The following MAPRE1 variants were observed in gnomAD, a reference collection of about 807,000 sequenced individuals.
MAPRE1 encodes microtubule associated protein RP/EB family member 1, also known as microtubule-associated protein RP/EB family member 1.
Under a neutral mutation model 32.1 loss-of-function variants are expected in MAPRE1, and 5 were observed. That is an observed-to-expected ratio of 0.16 (90% CI 0.08 to 0.33). The LOEUF is 0.33. Ranked by LOEUF, MAPRE1 falls within the 10% of genes least tolerant of loss-of-function variation. The probability of loss-of-function intolerance (pLI) is 1.00; values close to 1 mark genes in which losing one functional copy is unlikely to be tolerated. For synonymous variants in MAPRE1, 122 were observed against 118.9 expected, an observed-to-expected ratio of 1.03 and a Z score of -0.17; for missense variants, 209 against 327.2, an observed-to-expected ratio of 0.64 and a Z score of 2.79.
intron 6 of MAPRE1, among the ~76,000 whole-genome samples, chr20:32,847,135 G>C (rs1383676067): frequency 6.6e-6 from 1 of 152,164 alleles, no homozygotes; most frequent in Non-Finnish European, 1.5e-5. Flanking sequence ...CAGGGCCCGG[G>C]GCATGCCCGG....
intron 2 of MAPRE1, among the ~76,000 whole-genome samples, chr20:32,828,253 C>CT (rs1372078035): frequency 2.0e-5 from 3 of 152,164 alleles, no homozygotes; most frequent in Admixed American, 6.5e-5. Flanking sequence ...TTGTGTGAGG[C>CT]TTTTAAAGCA....
intron 4 of MAPRE1, 97 bp downstream of exon 4, chr20:32,836,938 A>T: frequency 9.5e-7 from 1 of 1,049,224 alleles, no homozygotes; most frequent in East Asian, 2.5e-5. Context: ...AGGCTTAGGG[A>T]TCTTAAGAAA....
At chr20:32,829,652 A>T (rs367781857) in intron 2 of MAPRE1, among the ~76,000 whole-genome samples, 12 of 152,190 alleles carry the variant, frequency 7.9e-5, no homozygotes, top group African/African-American at 2.9e-4. Flanking sequence ...CAGCTTTACA[A>T]AGTAGGAATA....
rs754053843 is a variant in MAPRE1 at position 32,848,763 on chromosome 20, C to G, written c.*35C>G. On this transcript the variant is annotated 3_prime_UTR_variant, in exon 7 of 7. Coordinates refer to ENST00000375571, the MANE Select transcript of MAPRE1 (RefSeq NM_012325.3). ...CCAGCAGAGCAACATCGGAATTCTT[C>G]ACTCCAAATCATGTGCTTAACTGTA... The G allele has an allele frequency of 6.4e-7, 1 of 1,566,904 alleles. No individual in the cohort carries two copies. Among genetic ancestry groups the G allele is most frequent in the East Asian group, 2.3e-5 (1 of 44,194 alleles).
At chr20:32,836,934 A>T (rs979550767) in intron 4 of MAPRE1, 93 bp downstream of exon 4, 4 of 1,085,768 alleles carry the variant, frequency 3.7e-6, no homozygotes, top group Non-Finnish European at 5.3e-6. Flanking sequence ...CCATAGGCTT[A>T]GGGATCTTAA....
chr20:32,825,504 A>G (rs537434122), intron 1 of MAPRE1, among the ~76,000 whole-genome samples: 22 of 152,204 alleles, frequency 1.4e-4, no homozygotes, highest in Middle Eastern at 3.4e-3. Flanking sequence ...TAAAAAGTCA[A>G]TGTACCTAGG....
At chr20:32,821,263 C>T (rs1189529972) in intron 1 of MAPRE1, among the ~76,000 whole-genome samples, 2 of 152,148 alleles carry the variant, frequency 1.3e-5, no homozygotes, top group Non-Finnish European at 2.9e-5. Flanking sequence ...GTGATCTGTC[C>T]GCCTCGGCCT....
chr20:32,825,403 AT>A (rs1982816375), intron 1 of MAPRE1, among the ~76,000 whole-genome samples: 1 of 152,118 alleles, frequency 6.6e-6, no homozygotes, highest in Non-Finnish European at 1.5e-5. Flanking sequence ...TGGGCAGTTC[AT>A]TTCAGGTCAT....
At chr20:32,830,034 C>T (rs1982974288) in intron 2 of MAPRE1, among the ~76,000 whole-genome samples, 1 of 152,094 alleles carries the variant, frequency 6.6e-6, no homozygotes, top group African/African-American at 2.4e-5. Context: ...CATATTCAGG[C>T]CCCTCTGCAT....
At chr20:32,847,691 TTAAG>T (rs754394854) in intron 6 of MAPRE1, among the ~76,000 whole-genome samples, 4 of 152,358 alleles carry the variant, frequency 2.6e-5, no homozygotes, top group South Asian at 4.1e-4. Flanking sequence ...GAGCCACATC[TTAAG>T]TAAGTTCAGC....
chr20:32,828,147 C>T (rs1291961720), intron 2 of MAPRE1, among the ~76,000 whole-genome samples: 1 of 152,114 alleles, frequency 6.6e-6, no homozygotes, highest in Non-Finnish European at 1.5e-5. Flanking sequence ...AATTACTTTG[C>T]TGATCATAGA....
intron 1 of MAPRE1, among the ~76,000 whole-genome samples, chr20:32,824,979 C>G (rs1188673110): frequency 6.6e-6 from 1 of 151,558 alleles, no homozygotes. Flanking sequence ...TGCTGAAATC[C>G]TGTCTCTACT....
chr20:32,831,452 A>G (rs1267320316), intron 2 of MAPRE1, among the ~76,000 whole-genome samples: 1 of 150,090 alleles, frequency 6.7e-6, no homozygotes, highest in Non-Finnish European at 1.5e-5. Flanking sequence ...AGTTTCATGC[A>G]TAAGTTGTTG....
chr20:32,837,155 A>G (rs1457890045), intron 4 of MAPRE1, among the ~76,000 whole-genome samples: 1 of 152,224 alleles, frequency 6.6e-6, no homozygotes, highest in Non-Finnish European at 1.5e-5. Flanking sequence ...AGCTCTAGAA[A>G]TCCATCAGGC....
intron 4 of MAPRE1, among the ~76,000 whole-genome samples, chr20:32,838,006 C>A (rs1286175991): frequency 1.3e-5 from 2 of 152,134 alleles, no homozygotes; most frequent in Non-Finnish European, 2.9e-5. Flanking sequence ...TCGCTTGAAC[C>A]CAGGAGGTGG....
In MAPRE1 at chr20:32,839,758, CAG is replaced by C; in HGVS notation, c.503_504del (p.Arg168AsnfsTer6). ...SAAPQRPIST[Q>X]RTAAAPKAGP... The stretch of plus-strand genomic sequence containing the variant: ...AGCTCCCCAGAGGCCCATCTCAACA[CAG>C]AGAACCGCTGCGGCTCCTAAGGCTG... On this transcript the variant is annotated frameshift_variant, in exon 5 of 7. Coordinates refer to ENST00000375571, the MANE Select transcript of MAPRE1 (RefSeq NM_012325.3). LOFTEE classifies it high-confidence loss of function. 2 of 1,614,174 alleles carry C rather than the reference CAG, an allele frequency of 1.2e-6. No individual in the cohort carries two copies. The highest frequency in any genetic ancestry group is 1.7e-6 in the Non-Finnish European group (2 of 1,180,030).
chr20:32,820,671 C>G (rs1982671540), intron 1 of MAPRE1, among the ~76,000 whole-genome samples: 1 of 152,154 alleles, frequency 6.6e-6, no homozygotes. Flanking sequence ...TGGCTGTTTT[C>G]CCGGGAACAA....
intron 6 of MAPRE1, among the ~76,000 whole-genome samples, chr20:32,847,991 A>G (rs541588395): frequency 5.9e-5 from 9 of 152,256 alleles, no homozygotes; most frequent in Non-Finnish European, 1.2e-4. Context: ...GTTTATTGAG[A>G]GAAGATGTTA....
At chr20:32,829,119 G>A (rs1462936125) in intron 2 of MAPRE1, among the ~76,000 whole-genome samples, 1 of 151,982 alleles carries the variant, frequency 6.6e-6, no homozygotes, top group African/African-American at 2.4e-5. Context: ...TCACCGTGGT[G>A]GTCAGGCTGG....
Sources: gnomAD v4.1 joint callset for allele counts (sites outside exome capture counted in the v4.1 genomes callset) on GRCh38, gnomAD v4.1.1 for gene constraint, MANE v1.5 for transcripts, NCBI Gene and HGNC (gene_info 2026-07-23, HGNC 2026-07-21) for gene names.